Variants in OGDH observed in about 807,000 individuals in gnomAD.
The protein encoded by OGDH is 2-oxoglutarate dehydrogenase complex component E1.
OGDH carries 38 observed loss-of-function variants against 116.6 expected under a neutral mutation model. The observed-to-expected ratio is 0.33, with a 90% CI of 0.25 to 0.43. The LOEUF (loss-of-function observed/expected upper bound fraction) is 0.43, where lower values mean the gene tolerates loss of function less well. OGDH is among the 20% of genes least tolerant of loss of function. OGDH has a pLI of 1.00. For missense variants in OGDH, 825 were observed against 1,357.2 expected (o/e 0.61, Z 6.16); for synonymous variants, 488 against 533.3 (o/e 0.92, Z 1.17).
intron 2 of OGDH, among the ~76,000 whole-genome samples, chr7:44,643,718 A>G (rs183411690): frequency 2.0e-5 from 3 of 152,288 alleles, no homozygotes; most frequent in Middle Eastern, 3.4e-3. Flanking sequence ...GACCCATTTG[A>G]TATCCAGCCA....
intron 2 of OGDH, among the ~76,000 whole-genome samples, chr7:44,637,376 C>T (rs1412936474): frequency 1.3e-5 from 2 of 152,308 alleles, no homozygotes; most frequent in African/African-American, 2.4e-5. Context: ...TGAATTTACA[C>T]GTTTACTGGT....
rs780207914 is a variant in OGDH, at chr7:44,681,842, C to T, written c.1329C>T (p.Asn443=). 4 of 1,614,180 alleles carry T rather than the reference C, an allele frequency of 2.5e-6. No individual in the cohort carries two copies. The highest frequency in any genetic ancestry group is 2.2e-5 in the East Asian group (1 of 44,880). Residue 443 remains asparagine (N), a synonymous_variant, in exon 10 of 23, where the codon AAC becomes AAT. Transcript: ENST00000222673. ...ATGGCACCGTGCACGTGGTCGTCAA[C>T]AACCAGGTACCTCACACCAGCCTGC... The part of the protein sequence containing the change: ...TTHGTVHVVV[N]NQIGFTTDPR...
At position 44,694,712 on chromosome 7, in the gene OGDH, A is replaced by G. The variant is rs1478376430; in HGVS notation, c.1668+136A>G. Reference sequence around the variant, plus strand: ...GAGGATGTGAAATATTTACAACTACAGCATTTCAATGCATAACTTTTTGGA... The same window carrying G: ...GAGGATGTGAAATATTTACAACTACGGCATTTCAATGCATAACTTTTTGGA... On this transcript the variant is annotated intron_variant, in intron 12 of 22. Coordinates refer to ENST00000222673, the MANE Select transcript of OGDH (RefSeq NM_002541.4). This position sits in a 1 kb window ranked among gnomAD's most constrained non-coding sequence, Gnocchi z 4.2. The G allele has an allele frequency of 3.0e-6, 3 of 996,002 alleles. No individual in the cohort carries two copies. Among genetic ancestry groups the G allele is most frequent in the South Asian group, 1.6e-5 (1 of 60,814 alleles). 61.7% of individuals were successfully genotyped at this position (996,002 alleles called of 1,614,324 possible).
intron 1 of OGDH, among the ~76,000 whole-genome samples, chr7:44,607,993 GC>G (rs1784419472): frequency 1.5e-5 from 2 of 133,574 alleles, no homozygotes; most frequent in Non-Finnish European, 3.6e-5. Flanking sequence ...GAGCCACTGC[GC>G]CCGGCCCCTC....
intron 2 of OGDH, among the ~76,000 whole-genome samples, chr7:44,631,614 A>C (rs144581296): frequency 2.0e-5 from 3 of 152,290 alleles, no homozygotes; most frequent in Non-Finnish European, 4.4e-5. Context: ...TAGGGTGATA[A>C]AATTATAACC....
intron 1 of OGDH, among the ~76,000 whole-genome samples, chr7:44,614,731 C>T (rs1237823040): frequency 2.0e-5 from 3 of 151,804 alleles, no homozygotes; most frequent in Non-Finnish European, 4.4e-5. Context: ...TTGAGGATGC[C>T]TCTTTTAGAA....
rs185810780 is a variant in OGDH at position 44,655,815 on chromosome 7, T to G, written c.517+8056T>G. 6.6e-5 allele frequency among the ~76,000 whole-genome samples: 10 copies of G among 152,340 alleles called. No individual in the cohort carries two copies. The East Asian group carries it at 1.9e-3, about 29-fold the overall frequency. On this transcript the variant is annotated intron_variant, in intron 4 of 22. Transcript: ENST00000222673. ...TCTTTCCTAGTTTGCCTTCTTGAAA[T>G]GGGAGATCAAGGAATCCTTCCATTC...
chr7:44,678,092 A>G (rs1029316983), intron 9 of OGDH, among the ~76,000 whole-genome samples: 1 of 151,986 alleles, frequency 6.6e-6, no homozygotes, highest in Non-Finnish European at 1.5e-5. Context: ...AGGTCATTCC[A>G]TGGCTTCAAG....
intron 4 of OGDH, among the ~76,000 whole-genome samples, chr7:44,654,298 G>T (rs10951768): frequency 0.23 from 35,178 of 152,144 alleles, 7,350 homozygotes; most frequent in African/African-American, 0.54. Context: ...GGAAATGAAC[G>T]TGAGTTAAAT....
intron 4 of OGDH, among the ~76,000 whole-genome samples, chr7:44,657,481 T>C (rs1585302923): frequency 1.3e-5 from 2 of 152,264 alleles, no homozygotes; most frequent in African/African-American, 4.8e-5. Context: ...TGTACTATGA[T>C]TGTTTTTAAC....
intron 2 of OGDH, among the ~76,000 whole-genome samples, chr7:44,630,063 T>C (rs1785373893): frequency 6.6e-6 from 1 of 152,226 alleles, no homozygotes; most frequent in Non-Finnish European, 1.5e-5. Context: ...CTTCCTCCTT[T>C]CGTGCTTATG....
At chr7:44,695,296 G>T (rs532758582) in intron 12 of OGDH, among the ~76,000 whole-genome samples, 1 of 151,950 alleles carries the variant, frequency 6.6e-6, no homozygotes, top group Non-Finnish European at 1.5e-5. Flanking sequence ...GGGTTTCCCC[G>T]TGTTGGCCAG....
chr7:44,685,729 C>T (rs959184174), intron 10 of OGDH, among the ~76,000 whole-genome samples: 6 of 152,046 alleles, frequency 3.9e-5, no homozygotes, highest in Non-Finnish European at 8.8e-5. Context: ...TGCAGTCCCC[C>T]CACCTCAGCT....
intron 4 of OGDH, among the ~76,000 whole-genome samples, chr7:44,655,303 G>A (rs1161016065): frequency 6.6e-6 from 1 of 152,064 alleles, no homozygotes; most frequent in Non-Finnish European, 1.5e-5. Context: ...GCAAAATATC[G>A]ACATTTAGAT....
At chr7:44,622,592 A>C (rs988198692) in intron 1 of OGDH, among the ~76,000 whole-genome samples, 7 of 152,152 alleles carry the variant, frequency 4.6e-5, no homozygotes, top group African/African-American at 1.7e-4. Flanking sequence ...TATTCTGAGC[A>C]TATTTGGGCC....
At chr7:44,701,287 A>G (rs1471202982) in intron 19 of OGDH, among the ~76,000 whole-genome samples, 5 of 152,074 alleles carry the variant, frequency 3.3e-5, no homozygotes, top group Non-Finnish European at 7.4e-5. Flanking sequence ...CAGGGAAGGG[A>G]GTATTGGGAG....
rs1789154839 is a variant in OGDH, at chr7:44,707,858, C to A, written c.2952-21C>A. Reference sequence around the variant, plus strand: ...AACTCAGTGTCCCCTGCCCTCACTGCCCCCTCCCTCCATCTCTCAGGTATG... The same window carrying A: ...AACTCAGTGTCCCCTGCCCTCACTGACCCCTCCCTCCATCTCTCAGGTATG... On this transcript the variant is annotated intron_variant, in intron 22 of 22. Transcript: ENST00000222673. This position sits in a 1 kb window ranked among gnomAD's most constrained non-coding sequence, Gnocchi z 5.2. 2 of 1,610,138 alleles carry A rather than the reference C, an allele frequency of 1.2e-6. No homozygotes were observed. Among genetic ancestry groups the A allele is most frequent in the South Asian group, 1.1e-5 (1 of 90,536 alleles).
At chr7:44,700,949 G>A (rs10951770) in intron 19 of OGDH, among the ~76,000 whole-genome samples, 7,052 of 152,298 alleles carry the variant, frequency 0.046, 533 homozygotes, top group African/African-American at 0.16. Flanking sequence ...GCGTGAACCC[G>A]GGAGGCGGAG....
intron 1 of OGDH, among the ~76,000 whole-genome samples, chr7:44,609,968 T>C (rs1388039301): frequency 6.6e-6 from 1 of 152,192 alleles, no homozygotes; most frequent in Non-Finnish European, 1.5e-5. Flanking sequence ...ATGTGCTTAT[T>C]TGCCATCTGT....
Sources: gnomAD v4.1 joint callset for allele counts (sites outside exome capture counted in the v4.1 genomes callset) on GRCh38, gnomAD v4.1.1 for gene constraint, Gnocchi (gnomAD v3.1) non-coding constraint, MANE v1.5 for transcripts, NCBI Gene and HGNC (gene_info 2026-07-23, HGNC 2026-07-21) for gene names.